The following SHB variants were observed in gnomAD, a reference collection of about 807,000 sequenced individuals.
SHB encodes the protein SH2 domain containing adaptor protein B.
A neutral mutation model predicts 52.3 loss-of-function variants in SHB; 20 were observed. The observed-to-expected ratio is 0.38, with a 90% CI of 0.27 to 0.56. SHB has a LOEUF of 0.56. SHB is among the 20% of genes least tolerant of loss of function. The probability of loss-of-function intolerance (pLI) is 0.71; values close to 1 mark genes in which losing one functional copy is unlikely to be tolerated. For missense variants in SHB, 825 were observed against 723.3 expected, an observed-to-expected ratio of 1.14 and a Z score of -1.61; for synonymous variants, 397 against 316.5, an observed-to-expected ratio of 1.25 and a Z score of -2.70.
chr9:37,978,884 AAG>A (rs1444783617), intron 2 of SHB, among the ~76,000 whole-genome samples: 2 of 152,258 alleles, frequency 1.3e-5, no homozygotes, highest in Non-Finnish European at 2.9e-5. Context: ...GAGCACATGA[AAG>A]AGAGTAAATA....
rs565287719 is a variant in SHB at position 38,021,846 on chromosome 9, T to C, written c.718-5715A>G. Among the ~76,000 whole-genome samples the C allele has an allele frequency of 3.9e-5, 6 of 152,250 alleles. No homozygotes were observed. The South Asian group carries it at 1.2e-3, about 32-fold the overall frequency. Reference sequence around the variant, plus strand: ...TTTTTAGACAGGTGAATAATGAGTGTTGAATTATGATGCAGTCAGCACGTC... The same window carrying C: ...TTTTTAGACAGGTGAATAATGAGTGCTGAATTATGATGCAGTCAGCACGTC... On this transcript the variant is annotated intron_variant, in intron 1 of 5. Coordinates refer to ENST00000377707, the MANE Select transcript of SHB (RefSeq NM_003028.3).
intron 1 of SHB, among the ~76,000 whole-genome samples, chr9:38,038,843 A>C (rs1314668914): frequency 6.6e-6 from 1 of 152,170 alleles, no homozygotes; most frequent in Non-Finnish European, 1.5e-5. Flanking sequence ...GCCACCCCCC[A>C]GGGAGGTATC....
chr9:38,054,974 G>A (rs1821796599), intron 1 of SHB, among the ~76,000 whole-genome samples: 1 of 152,234 alleles, frequency 6.6e-6, no homozygotes, highest in Non-Finnish European at 1.5e-5. Flanking sequence ...GTCAAGGATA[G>A]CAGCTTTCTA....
chr9:38,032,262 T>A (rs1360185796), intron 1 of SHB, among the ~76,000 whole-genome samples: 1 of 152,156 alleles, frequency 6.6e-6, no homozygotes, highest in African/African-American at 2.4e-5. Flanking sequence ...CATTTTCAGA[T>A]GAGAAAACCG....
intron 4 of SHB, among the ~76,000 whole-genome samples, chr9:37,952,344 T>C (rs1272753929): frequency 6.6e-6 from 1 of 151,920 alleles, no homozygotes; most frequent in Non-Finnish European, 1.5e-5. Context: ...AGAAAACATC[T>C]CTGCAAAACA....
In SHB at chr9:37,916,877, G is replaced by C. The variant is rs1207298786; in HGVS notation, c.*2944C>G. On this transcript the variant is annotated 3_prime_UTR_variant, in exon 6 of 6. Transcript: ENST00000377707. ...GTTGCTCAAGTGGGCAGGCATTATG[G>C]TCAATAATAAAGCCAGCAAAGAAGG... Among the ~76,000 whole-genome samples the C allele has an allele frequency of 1.3e-5, 2 of 152,174 alleles. No individual in the cohort carries two copies. Among genetic ancestry groups the C allele is most frequent in the Non-Finnish European group, 2.9e-5 (2 of 68,036 alleles).
At chr9:37,963,224 A>G (rs1273926695) in intron 3 of SHB, among the ~76,000 whole-genome samples, 1 of 152,208 alleles carries the variant, frequency 6.6e-6, no homozygotes, top group African/African-American at 2.4e-5. Flanking sequence ...CAGGACCCAG[A>G]GGAGACTGGC....
At chr9:38,006,950 A>G (rs1821082677) in intron 2 of SHB, among the ~76,000 whole-genome samples, 1 of 152,150 alleles carries the variant, frequency 6.6e-6, no homozygotes, top group Admixed American at 6.5e-5. Flanking sequence ...GACTTTGAGA[A>G]AGCCCCTGAA....
At chr9:38,053,173 C>G (rs1821773277) in intron 1 of SHB, among the ~76,000 whole-genome samples, 1 of 152,202 alleles carries the variant, frequency 6.6e-6, no homozygotes, top group African/African-American at 2.4e-5. Context: ...GCTCTACCCA[C>G]TACTAGCAGT....
chr9:38,044,771 A>C (rs1048506918), intron 1 of SHB, among the ~76,000 whole-genome samples: 1 of 152,190 alleles, frequency 6.6e-6, no homozygotes, highest in Non-Finnish European at 1.5e-5. Context: ...CTGGCTCTTC[A>C]ATCAACCTCT....
chr9:37,929,446 C>T (rs1197426864), intron 5 of SHB, among the ~76,000 whole-genome samples: 6 of 152,202 alleles, frequency 3.9e-5, no homozygotes, highest in East Asian at 1.9e-4. Flanking sequence ...AGGGTCCTGG[C>T]GTGGGTCTTG....
In SHB at chr9:38,013,665, T is replaced by C. The variant is rs573625944; in HGVS notation, c.838+2346A>G. Among the ~76,000 whole-genome samples the C allele has an allele frequency of 7.2e-5, 11 of 152,286 alleles. No individual in the cohort carries two copies. The South Asian group carries it at 2.3e-3, about 32-fold the overall frequency. ...GGTGAACAACTACTCACCTTTGAGG[T>C]CTTCAGCAGCACCCAGTAGGGAACT... On this transcript the variant is annotated intron_variant, in intron 2 of 5. Coordinates refer to ENST00000377707, the MANE Select transcript of SHB (RefSeq NM_003028.3).
At chr9:37,994,800 G>A (rs1376069436) in intron 2 of SHB, among the ~76,000 whole-genome samples, 2 of 150,912 alleles carry the variant, frequency 1.3e-5, no homozygotes, top group African/African-American at 2.4e-5. Flanking sequence ...AAGACTTCTC[G>A]TTTTTTTTTC....
chr9:38,065,669 C>A (rs956936890), intron 1 of SHB, among the ~76,000 whole-genome samples: 2 of 152,170 alleles, frequency 1.3e-5, no homozygotes, highest in Non-Finnish European at 2.9e-5. Flanking sequence ...TCAAAGGTCT[C>A]GCAGTCACAA....
chr9:38,030,660 C>T (rs926412507), intron 1 of SHB, among the ~76,000 whole-genome samples: 1 of 152,166 alleles, frequency 6.6e-6, no homozygotes, highest in African/African-American at 2.4e-5. Context: ...CCTGCCATCA[C>T]CATTTGGAAA....
intron 5 of SHB, among the ~76,000 whole-genome samples, chr9:37,928,752 G>A (rs1403005732): frequency 1.3e-5 from 2 of 152,326 alleles, no homozygotes; most frequent in South Asian, 2.1e-4. Context: ...ATCCCGGCTC[G>A]CCTGGCCCCT....
chr9:37,968,181 A>G (rs1033994952), intron 3 of SHB, among the ~76,000 whole-genome samples: 5 of 152,230 alleles, frequency 3.3e-5, no homozygotes, highest in African/African-American at 9.6e-5. Context: ...TGAAAACCAA[A>G]ACACCAAATG....
chr9:37,955,260 C>T (rs1832615470), intron 4 of SHB, among the ~76,000 whole-genome samples: 1 of 152,212 alleles, frequency 6.6e-6, no homozygotes, highest in Non-Finnish European at 1.5e-5. Flanking sequence ...GACTCTTTTG[C>T]AGTTCCTCCT....
chr9:37,921,807 C>T (rs1379029242), intron 5 of SHB, among the ~76,000 whole-genome samples: 1 of 152,218 alleles, frequency 6.6e-6, no homozygotes, highest in Non-Finnish European at 1.5e-5. Context: ...CTACCCACCA[C>T]GCCGAAGAGA....
Sources: allele counts gnomAD v4.1 joint callset (sites outside exome capture counted in the v4.1 genomes callset), GRCh38; gene constraint gnomAD v4.1.1; transcripts MANE v1.5; gene names NCBI Gene and HGNC (gene_info 2026-07-23, HGNC 2026-07-21).